Variants in SNX29 observed in about 807,000 individuals in gnomAD.
SNX29 encodes the protein sorting nexin 29, also known as sorting nexin-29.
Under a neutral mutation model 102.1 loss-of-function variants are expected in SNX29, and 78 were observed. The ratio of observed to expected loss-of-function variants is 0.76; its 90% confidence interval spans 0.64 to 0.92. SNX29 has a LOEUF of 0.92. Among genes scored for constraint, SNX29 ranks in the 40% least tolerant of loss-of-function variants. The pLI is 0.00. For missense variants in SNX29, 1,280 were observed against 1,061.7 expected, an observed-to-expected ratio of 1.21 and a Z score of -2.86; for synonymous variants, 580 against 414.5, an observed-to-expected ratio of 1.40 and a Z score of -4.85.
intron 20 of SNX29, among the ~76,000 whole-genome samples, chr16:12,565,268 C>G (rs928177348): frequency 6.6e-6 from 1 of 152,194 alleles, no homozygotes; most frequent in African/African-American, 2.4e-5. Context: ...GCAAGAGGTT[C>G]AGCCTCACAT....
At chr16:12,249,648 G>T (rs2078364528) in intron 14 of SNX29, among the ~76,000 whole-genome samples, 1 of 152,224 alleles carries the variant, frequency 6.6e-6, no homozygotes, top group Non-Finnish European at 1.5e-5. Flanking sequence ...CAGGGAAATT[G>T]CTGAGCTTTT....
At chr16:12,551,793 G>A (rs569029156) in intron 20 of SNX29, among the ~76,000 whole-genome samples, 1 of 152,266 alleles carries the variant, frequency 6.6e-6, no homozygotes, top group African/African-American at 2.4e-5. Flanking sequence ...GAAGCACATG[G>A]GCATCAAACT....
chr16:12,028,504 C>T (rs946774755), intron 4 of SNX29, among the ~76,000 whole-genome samples: 5 of 151,972 alleles, frequency 3.3e-5, no homozygotes, highest in African/African-American at 1.2e-4. Flanking sequence ...GCTAGGATTG[C>T]AGGCTTGCAC....
chr16:12,244,026 A>G (rs2078189094), intron 14 of SNX29, among the ~76,000 whole-genome samples: 1 of 152,164 alleles, frequency 6.6e-6, no homozygotes, highest in African/African-American at 2.4e-5. Context: ...TCAGATCATC[A>G]GGCATTAGAT....
chr16:12,369,266 G>A (rs1220087942), intron 16 of SNX29, among the ~76,000 whole-genome samples: 2 of 151,968 alleles, frequency 1.3e-5, no homozygotes, highest in African/African-American at 4.8e-5. Flanking sequence ...CTCCCGAGTA[G>A]CTGGGATTAC....
intron 14 of SNX29, among the ~76,000 whole-genome samples, chr16:12,236,949 A>C (rs951659888): frequency 1.4e-4 from 22 of 152,164 alleles, no homozygotes; most frequent in African/African-American, 5.1e-4. Flanking sequence ...CCGGGTGGGG[A>C]GTAAAGGCAC....
At chr16:12,399,676 A>T (rs1356143790) in intron 17 of SNX29, among the ~76,000 whole-genome samples, 1 of 152,136 alleles carries the variant, frequency 6.6e-6, no homozygotes, top group Non-Finnish European at 1.5e-5. Context: ...GAGTGAGATT[A>T]TGAAAGGCAT....
rs77747585 is a variant in SNX29 at position 12,148,527 on chromosome 16, C to G, written c.1595+18769C>G. ...TCATTTGTACCTCAGATTTTCTTGT[C>G]CAATCTCCCCCTCCCCTGCATGATT... On this transcript the variant is annotated intron_variant, in intron 13 of 20. Transcript: ENST00000566228. Among the ~76,000 whole-genome samples, 1,176 of 152,184 alleles carry G rather than the reference C, an allele frequency of 7.7e-3. 16 individuals are homozygous for G. Among genetic ancestry groups the G allele is most frequent in the African/African-American group, 0.027 (1,121 of 41,526 alleles).
chr16:12,160,243 T>C (rs1037151424), intron 13 of SNX29, among the ~76,000 whole-genome samples: 5 of 152,192 alleles, frequency 3.3e-5, no homozygotes, highest in South Asian at 4.1e-4. Flanking sequence ...TCTGACTGTA[T>C]TCATGTTGCT....
chr16:12,450,708 C>T lies in SNX29; in HGVS notation c.2038-27011C>T, dbSNP rs151049626. 6.0e-3 allele frequency among the ~76,000 whole-genome samples: 921 copies of T among 152,302 alleles called. 15 individuals carry two copies. The highest frequency in any genetic ancestry group is 0.022 in the African/African-American group (906 of 41,568). On this transcript the variant is annotated intron_variant, in intron 18 of 20. Coordinates refer to ENST00000566228, the MANE Select transcript of SNX29 (RefSeq NM_032167.5). ...TAGTCAGATGGGCTTTGTCTGCTTG[C>T]TGAAGAGCTTGGGCATTGACCCAGA...
chr16:12,198,526 T>G (rs2076835410), intron 13 of SNX29, among the ~76,000 whole-genome samples: 1 of 152,198 alleles, frequency 6.6e-6, no homozygotes, highest in African/African-American at 2.4e-5. Flanking sequence ...GAAAAAATAT[T>G]CTAGCACATT....
At chr16:12,283,423 G>A (rs922314921) in intron 15 of SNX29, among the ~76,000 whole-genome samples, 1 of 151,608 alleles carries the variant, frequency 6.6e-6, no homozygotes, top group Non-Finnish European at 1.5e-5. Flanking sequence ...GGGTTCAAGC[G>A]CTTCTTCTGT....
At chr16:12,323,985 A>G (rs2081039778) in intron 15 of SNX29, among the ~76,000 whole-genome samples, 1 of 152,150 alleles carries the variant, frequency 6.6e-6, no homozygotes, top group African/African-American at 2.4e-5. Context: ...GTGTTCTGTG[A>G]TCAAACTGAT....
chr16:12,555,016 G>A (rs537024368), intron 20 of SNX29, among the ~76,000 whole-genome samples: 5 of 152,186 alleles, frequency 3.3e-5, no homozygotes, highest in African/African-American at 1.2e-4. Context: ...AGGCAGGCAG[G>A]AGTGTGCCTG....
rs144555068 is a variant in SNX29 at position 11,995,061 on chromosome 16, C to T, written c.8-4236C>T. Among the ~76,000 whole-genome samples, 247 of 152,120 alleles carry T rather than the reference C, an allele frequency of 1.6e-3. 2 individuals carry two copies. The highest frequency in any genetic ancestry group is 5.7e-3 in the African/African-American group (235 of 41,508). On this transcript the variant is annotated intron_variant, in intron 1 of 20. Transcript: ENST00000566228. Reference sequence around the variant, plus strand: ...GTGCTCCTTGCAGCCTAGTAAACCCCCTTCTCTCTTATTTATTTATTTTTG... The same window carrying T: ...GTGCTCCTTGCAGCCTAGTAAACCCTCTTCTCTCTTATTTATTTATTTTTG...
intron 19 of SNX29, among the ~76,000 whole-genome samples, chr16:12,499,043 A>T (rs894704387): frequency 6.6e-6 from 1 of 152,178 alleles, no homozygotes; most frequent in Non-Finnish European, 1.5e-5. Context: ...CAGACCTGGC[A>T]TTCTGCTTAA....
intron 16 of SNX29, among the ~76,000 whole-genome samples, chr16:12,369,917 G>GA (rs921863855): frequency 1.3e-5 from 2 of 152,064 alleles, no homozygotes; most frequent in Admixed American, 6.6e-5. Context: ...CTTCTTATTT[G>GA]AAAAAATCTT....
intron 19 of SNX29, among the ~76,000 whole-genome samples, chr16:12,521,082 A>G (rs2090080708): frequency 6.6e-6 from 1 of 152,118 alleles, no homozygotes; most frequent in Non-Finnish European, 1.5e-5. Context: ...TGGGAGGCTG[A>G]GGTAGGAGGA....
intron 20 of SNX29, among the ~76,000 whole-genome samples, chr16:12,542,765 T>A (rs1337802178): frequency 1.3e-5 from 2 of 152,160 alleles, no homozygotes; most frequent in Non-Finnish European, 2.9e-5. Flanking sequence ...CTGCCTTTTT[T>A]TTTTTTTTAA....
Sources: allele counts gnomAD v4.1 joint callset (sites outside exome capture counted in the v4.1 genomes callset), GRCh38; gene constraint gnomAD v4.1.1; transcripts MANE v1.5; gene names NCBI Gene and HGNC (gene_info 2026-07-23, HGNC 2026-07-21).